Variants in LRSAM1 observed in about 807,000 individuals in gnomAD.
LRSAM1 encodes the protein leucine rich repeat and sterile alpha motif containing 1.
LRSAM1 carries 96 observed loss-of-function variants against 118.1 expected under a neutral mutation model. The ratio of observed to expected loss-of-function variants is 0.81; its 90% CI spans 0.69 to 0.96. LRSAM1 has a LOEUF of 0.96. Ranked by LOEUF, LRSAM1 falls within the 40% of genes least tolerant of loss-of-function variation. The pLI, the probability that LRSAM1 is intolerant of heterozygous loss-of-function variation, is 0.00. For missense variants in LRSAM1, 804 were observed against 915.5 expected, an observed-to-expected ratio of 0.88 and a Z score of 1.57; for synonymous variants, 322 against 364.2, an observed-to-expected ratio of 0.88 and a Z score of 1.32.
intron 8 of LRSAM1, 97 bp downstream of exon 8, chr9:127,461,354 G>A: frequency 9.2e-7 from 1 of 1,081,740 alleles, no homozygotes; most frequent in Non-Finnish European, 1.4e-6. Flanking sequence ...CCATTGAGCA[G>A]GAGGGCAGCC....
rs1039049151 is a variant in LRSAM1, at chr9:127,461,333, C to G, written c.406+76C>G. ...TCCTGGCCGGGATCCACAGGCTGCC[C>G]CGCCCGGGAGCCATTGAGCAGGAGG... On this transcript the variant is annotated intron_variant, in intron 8 of 25. Transcript: ENST00000300417. 5 of 1,376,852 alleles carry G rather than the reference C, an allele frequency of 3.6e-6. No individual in the cohort carries two copies. In the African/African-American group the frequency reaches 4.3e-5, roughly 12 times the overall value. The allele number at this position is 1,376,852 out of a possible 1,614,324, so 85.3% of individuals were successfully genotyped here. A position where few individuals can be genotyped will look rare whatever the true frequency, so the allele number is the denominator to read the frequency against.
At position 127,495,994 on chromosome 9, in the gene LRSAM1, C is replaced by T. The variant is rs778480290; in HGVS notation, c.1729C>T (p.Leu577Phe). Residue 577 changes from leucine (L) to phenylalanine (F), a missense_variant, in exon 23 of 26, where the codon CTC (leucine) becomes TTC (phenylalanine). Transcript: ENST00000300417. ...GGGGATGGAGCGCCAGCTGGTGGCC[C>T]TCCTGGAGGAGCTGTCGGCTGAGCA... is the stretch of plus-strand genomic sequence containing the variant. ...EEGMERQLVA[L>F]LEELSAEHYL... 6.2e-7 allele frequency: 1 copy of T among 1,612,938 alleles called. No individual in the cohort carries two copies. Among genetic ancestry groups the T allele is most frequent in the South Asian group, 1.1e-5 (1 of 90,974 alleles).
rs2132073231 is a variant in LRSAM1, at chr9:127,482,992, TGA to T, written c.1135_1136del (p.Ser379ProfsTer5). On this transcript the variant is annotated frameshift_variant, in exon 16 of 26. Coordinates refer to ENST00000300417, the MANE Select transcript of LRSAM1 (RefSeq NM_001005373.4). LOFTEE classifies it high-confidence loss of function. ...QLMSITQEET[E>X]SLRRRDVASA... ...TGATGTCCATAACCCAGGAGGAGAC[TGA>T]GAGCCTGCGGCGACGTGACGTTGCC... The T allele has an allele frequency of 6.3e-7, 1 of 1,585,916 alleles. No homozygotes were observed. Among genetic ancestry groups the T allele is most frequent in the Middle Eastern group, 1.7e-4 (1 of 6,020 alleles).
At position 127,495,781 on chromosome 9, in the gene LRSAM1, G is replaced by A. The variant is rs745790728; in HGVS notation, c.1699-183G>A. Among the ~76,000 whole-genome samples, 22 of 152,310 alleles carry A rather than the reference G, an allele frequency of 1.4e-4. No individual in the cohort carries two copies. The South Asian group carries it at 1.7e-3, about 11-fold the overall frequency. On this transcript the variant is annotated intron_variant, in intron 22 of 25. Transcript: ENST00000300417. ...CTATTTTCAGGTTTGCAGACAGAGC[G>A]GCAGTGAACCCCTGGGCCTATCTAT...
chr9:127,500,295 A>C (rs1420799010), intron 24 of LRSAM1, among the ~76,000 whole-genome samples: 1 of 142,586 alleles, frequency 7.0e-6, no homozygotes, highest in Non-Finnish European at 1.5e-5. Flanking sequence ...TGGGAGGCAG[A>C]GGTTGCAGTG....
chr9:127,457,706 G>A (rs1327913643), intron 6 of LRSAM1, among the ~76,000 whole-genome samples: 1 of 152,206 alleles, frequency 6.6e-6, no homozygotes, highest in Non-Finnish European at 1.5e-5. Context: ...GAAGAGGAGG[G>A]ACGCGCAGGT....
chr9:127,471,899 G>A (rs1346474448), intron 10 of LRSAM1, among the ~76,000 whole-genome samples: 1 of 150,784 alleles, frequency 6.6e-6, no homozygotes, highest in Non-Finnish European at 1.5e-5. Context: ...TTGACCTAAG[G>A]TGATCCACCC....
intron 18 of LRSAM1, 129 bp from the exon 19 acceptor site, chr9:127,489,315 T>C: frequency 9.1e-7 from 1 of 1,097,568 alleles, no homozygotes; most frequent in Non-Finnish European, 1.3e-6. Flanking sequence ...AGGTGAAATC[T>C]TCTCCCTCTC....
chr9:127,469,739 G>A (rs1305709109), intron 10 of LRSAM1, among the ~76,000 whole-genome samples: 3 of 152,166 alleles, frequency 2.0e-5, no homozygotes, highest in East Asian at 1.9e-4. Context: ...CGAGGTGGGC[G>A]GATCATGACG....
intron 14 of LRSAM1, 43 bp downstream of exon 14, chr9:127,480,021 G>C (rs767532563): frequency 1.9e-6 from 3 of 1,613,856 alleles, no homozygotes; most frequent in Admixed American, 1.7e-5. Context: ...GTCCTTCCCC[G>C]TGCAGTCCCC....
intron 9 of LRSAM1, among the ~76,000 whole-genome samples, chr9:127,466,400 A>G (rs576907217): frequency 8.2e-5 from 12 of 146,782 alleles, no homozygotes; most frequent in Non-Finnish European, 1.5e-4. Flanking sequence ...TATCCCTCCA[A>G]TTTTTTTCTA....
At chr9:127,497,087 C>T (rs562999564) in intron 23 of LRSAM1, among the ~76,000 whole-genome samples, 166 bp from the exon 24 acceptor site, 5 of 152,382 alleles carry the variant, frequency 3.3e-5, no homozygotes, top group African/African-American at 4.8e-5. Context: ...GCTATGGTGC[C>T]GCACTGCCTC....
intron 19 of LRSAM1, among the ~76,000 whole-genome samples, chr9:127,490,198 T>G (rs1835884799): frequency 6.6e-6 from 1 of 152,268 alleles, no homozygotes; most frequent in African/African-American, 2.4e-5. Flanking sequence ...TGCATCATGT[T>G]CAGCACACTG....
At chr9:127,500,358 C>CAAAAAAACAAAA (rs1836336894) in intron 24 of LRSAM1, among the ~76,000 whole-genome samples, 1 of 93,566 alleles carries the variant, frequency 1.1e-5, no homozygotes, top group Non-Finnish European at 2.2e-5. Flanking sequence ...GAGACTGTCT[C>CAAAAAAACAAAA]AAAAAAAAAA....
chr9:127,455,463 C>T (rs531212208), intron 4 of LRSAM1, 113 bp from the exon 5 acceptor site: 9 of 1,062,414 alleles, frequency 8.5e-6, no homozygotes, highest in South Asian at 6.3e-5. Flanking sequence ...CCTGCTGTGG[C>T]GTTTTGCCCT....
intron 9 of LRSAM1, among the ~76,000 whole-genome samples, chr9:127,463,493 G>A (rs959883272): frequency 1.3e-5 from 2 of 152,086 alleles, no homozygotes; most frequent in Non-Finnish European, 2.9e-5. Context: ...TCCCTCCTTG[G>A]CTTGTAGGTG....
intron 24 of LRSAM1, among the ~76,000 whole-genome samples, 162 bp from the exon 25 acceptor site, chr9:127,500,848 G>C (rs1047717575): frequency 2.0e-5 from 3 of 149,910 alleles, no homozygotes; most frequent in Admixed American, 6.6e-5. Flanking sequence ...AAGAGAAGAA[G>C]AGAGTGTGTG....
At position 127,503,155 on chromosome 9, in the gene LRSAM1, C is replaced by G; in HGVS notation, c.*256C>G. The G allele has an allele frequency of 1.9e-6, 1 of 538,058 alleles. No individual in the cohort carries two copies. 33.3% of individuals were successfully genotyped at this position (538,058 alleles called of 1,614,324 possible). A position where few individuals can be genotyped will look rare whatever the true frequency, so the allele number is the denominator to read the frequency against. ...AGAGGCCGCTGCACCACCACCCGAG[C>G]CTGGGAGCCAGCGTCCCAGCCTAAT... On this transcript the variant is annotated 3_prime_UTR_variant, in exon 26 of 26. Transcript: ENST00000300417.
intron 24 of LRSAM1, among the ~76,000 whole-genome samples, chr9:127,499,426 G>A (rs1201120179): frequency 1.3e-5 from 2 of 151,972 alleles, no homozygotes; most frequent in African/African-American, 4.8e-5. Context: ...AGCTACTCTG[G>A]AGGCTGAGGT....
Sources: gnomAD v4.1 joint callset for allele counts (sites outside exome capture counted in the v4.1 genomes callset) on GRCh38, gnomAD v4.1.1 for gene constraint, MANE v1.5 for transcripts, NCBI Gene and HGNC (gene_info 2026-07-23, HGNC 2026-07-21) for gene names.